Variants in TYW3 observed in about 807,000 individuals in gnomAD.
TYW3 encodes tRNA wybutosine-synthesizing protein 3 homolog.
A neutral mutation model predicts 23.1 loss-of-function variants in TYW3; 26 were observed. The observed-to-expected ratio is 1.13, with a 90% CI of 0.83 to 1.56. The LOEUF is 1.56. TYW3 is among the 40% of genes most tolerant of loss of function. TYW3 has a pLI of 0.00. For synonymous variants in TYW3, 102 were observed against 105.7 expected (o/e 0.97, Z 0.21); for missense variants, 316 against 311.9 (o/e 1.01, Z -0.10).
intron 5 of TYW3, among the ~76,000 whole-genome samples, chr1:74,754,159 G>A (rs1648877137): frequency 6.6e-6 from 1 of 152,130 alleles, no homozygotes. Context: ...AAACATAGGA[G>A]GTAGCAAATC....
At chr1:74,747,707 G>A (rs1648617141) in intron 3 of TYW3, among the ~76,000 whole-genome samples, 1 of 151,052 alleles carries the variant, frequency 6.6e-6, no homozygotes, top group South Asian at 2.1e-4. Context: ...ATACATATGT[G>A]TGTGTGTATA....
chr1:74,756,265 T>C (rs1648951091), intron 5 of TYW3, among the ~76,000 whole-genome samples: 1 of 152,014 alleles, frequency 6.6e-6, no homozygotes, highest in African/African-American at 2.4e-5. Context: ...GGGTAACAGG[T>C]AGAGGTTGGA....
At chr1:74,745,474 C>A (rs552739464) in intron 3 of TYW3, among the ~76,000 whole-genome samples, 1 of 152,048 alleles carries the variant, frequency 6.6e-6, no homozygotes, top group African/African-American at 2.4e-5. Flanking sequence ...CTGATTGGTG[C>A]GTTTTTACAG....
In TYW3 at chr1:74,738,768, T is replaced by C. The variant is rs1318391424; in HGVS notation, c.334T>C (p.Leu112=). 6.2e-7 allele frequency: 1 copy of C among 1,610,676 alleles called. No homozygotes were observed. The highest frequency in any genetic ancestry group is 1.1e-5 in the South Asian group (1 of 90,752). Residue 112 remains leucine, a synonymous_variant, in exon 3 of 6, where the codon TTG becomes CTG. Transcript: ENST00000370867. Reference sequence around the variant, plus strand: ...TGTTCTTCATGTGCAGTGTCGACAATTGCAGGATGCACAGATTCTGGTAAA... The same window carrying C: ...TGTTCTTCATGTGCAGTGTCGACAACTGCAGGATGCACAGATTCTGGTAAA... The part of the protein sequence containing the change: ...PFVLHVQCRQ[L]QDAQILHSMA...
Position 74,733,319 on chromosome 1 carries a change from T to C in TYW3, c.75T>C (p.Ser25=). 6.2e-7 allele frequency: 1 copy of C among 1,614,184 alleles called. No individual in the cohort carries two copies. The highest frequency in any genetic ancestry group is 8.5e-7 in the Non-Finnish European group (1 of 1,180,028). ...AAGCGGACCTCAGCCGGAAGGGCAG[T>C]GTTGACGAGGATGTGGTAGAGCTTG... ...LSKADLSRKG[S]VDEDVVELVQ... is the part of the protein sequence containing the mutation. The change falls in exon 1 of 6, where the codon AGT becomes AGC. Residue 25 remains serine (S), a synonymous_variant. Coordinates refer to ENST00000370867, the MANE Select transcript of TYW3 (RefSeq NM_138467.3).
chr1:74,763,555 G>A (rs1463838004), intron 5 of TYW3, among the ~76,000 whole-genome samples: 2 of 152,006 alleles, frequency 1.3e-5, no homozygotes, highest in East Asian at 3.9e-4. Flanking sequence ...ATCTGTATTT[G>A]TAACCTCACA....
intron 1 of TYW3, chr1:74,736,245 T>G (rs575273752): frequency 1.0e-5 from 2 of 197,896 alleles, no homozygotes; most frequent in East Asian, 2.4e-4. Flanking sequence ...ACAACTCAGG[T>G]GCTGCTAGTA....
intron 4 of TYW3, chr1:74,751,086 A>T (rs1648769320): frequency 6.6e-6 from 1 of 152,004 alleles, no homozygotes; most frequent in Non-Finnish European, 1.5e-5. Context: ...TGTTGGGATT[A>T]CAGGCGTGAG....
intron 3 of TYW3, among the ~76,000 whole-genome samples, chr1:74,741,395 G>C (rs1346941447): frequency 2.0e-5 from 3 of 148,668 alleles, no homozygotes; most frequent in African/African-American, 7.4e-5. Context: ...CTGAGCTGAT[G>C]GTCCCGCAGG....
chr1:74,756,751 G>C (rs1182611070), intron 5 of TYW3, among the ~76,000 whole-genome samples: 1 of 152,216 alleles, frequency 6.6e-6, no homozygotes, highest in Non-Finnish European at 1.5e-5. Context: ...TAATCCCCAA[G>C]GCAATGGGGA....
rs1649232614 is a variant in TYW3, at chr1:74,764,486, T to TTAAG, written c.*377_*380dup. On this transcript the variant is annotated 3_prime_UTR_variant, in exon 6 of 6. Coordinates refer to ENST00000370867, the MANE Select transcript of TYW3 (RefSeq NM_138467.3). Reference sequence around the variant, plus strand: ...TTTGAAAAGGGATAGCATAAATATTTTAAGTAAAAAGACCTTTATTTTAAA... The same window carrying TTAAG: ...TTTGAAAAGGGATAGCATAAATATTTTAAGTAAGTAAAAAGACCTTTATTTTAAA... 1 of 159,486 alleles carries TTAAG rather than the reference T, an allele frequency of 6.3e-6. No individual in the cohort carries two copies. The highest frequency in any genetic ancestry group is 2.4e-5 in the African/African-American group (1 of 41,760). 9.9% of individuals were successfully genotyped at this position (159,486 alleles called of 1,614,324 possible). A position where few individuals can be genotyped will look rare whatever the true frequency, so the allele number is the denominator to read the frequency against.
intron 5 of TYW3, among the ~76,000 whole-genome samples, chr1:74,756,364 T>G (rs1166820150): frequency 1.3e-5 from 2 of 152,208 alleles, no homozygotes; most frequent in Non-Finnish European, 2.9e-5. Flanking sequence ...ACCAAAATGC[T>G]GATAATGATA....
chr1:74,738,655 A>T, intron 2 of TYW3, 35 bp from the exon 3 acceptor site: 1 of 1,512,080 alleles, frequency 6.6e-7, no homozygotes, highest in Non-Finnish European at 9.1e-7. Context: ...GACAGGCCAT[A>T]TACTTGCATC....
At chr1:74,763,856 T>A (rs1270545840) in intron 5 of TYW3, 38 bp from the exon 6 acceptor site, 1 of 1,523,694 alleles carries the variant, frequency 6.6e-7, no homozygotes, top group African/African-American at 1.4e-5. Context: ...TTCGTTTCAG[T>A]ACACACAGAT....
intron 1 of TYW3, among the ~76,000 whole-genome samples, chr1:74,734,674 A>G (rs1648076802): frequency 6.6e-6 from 1 of 152,196 alleles, no homozygotes; most frequent in Admixed American, 6.5e-5. Flanking sequence ...TGGGAGTGAT[A>G]CTGCTTAGAT....
intron 2 of TYW3, among the ~76,000 whole-genome samples, chr1:74,737,695 G>A (rs1648197587): frequency 6.6e-6 from 1 of 152,180 alleles, no homozygotes; most frequent in Non-Finnish European, 1.5e-5. Flanking sequence ...GTCAGACTAC[G>A]CCGCAGGATA....
chr1:74,741,211 GGT>G (rs746944531), intron 3 of TYW3, among the ~76,000 whole-genome samples: 114 of 152,302 alleles, frequency 7.5e-4, no homozygotes, highest in African/African-American at 1.6e-3. Context: ...GGTAAAGAGA[GGT>G]GTTAAAGATT....
At chr1:74,744,740 G>A (rs564517187) in intron 3 of TYW3, among the ~76,000 whole-genome samples, 2 of 152,218 alleles carry the variant, frequency 1.3e-5, no homozygotes, top group African/African-American at 4.8e-5. Context: ...CTCATGGTGA[G>A]TGTTACAGTT....
intron 3 of TYW3, among the ~76,000 whole-genome samples, chr1:74,742,146 G>T (rs951135315): frequency 2.0e-5 from 3 of 152,180 alleles, no homozygotes; most frequent in Non-Finnish European, 2.9e-5. Flanking sequence ...AGGCATATGG[G>T]TGAAGTCTAA....
Sources: allele counts gnomAD v4.1 joint callset (sites outside exome capture counted in the v4.1 genomes callset), GRCh38; gene constraint gnomAD v4.1.1; transcripts MANE v1.5; gene names NCBI Gene and HGNC (gene_info 2026-07-23, HGNC 2026-07-21).